The following IFI16 variants were observed in gnomAD, a reference collection of about 807,000 sequenced individuals.
IFI16 encodes gamma-interferon-inducible protein 16.
Under a neutral mutation model 68.4 loss-of-function variants are expected in IFI16, and 49 were observed. That is an observed-to-expected ratio of 0.72 (90% CI 0.57 to 0.91). The LOEUF (loss-of-function observed/expected upper bound fraction) is 0.91. Among genes scored for constraint, IFI16 ranks in the 40% least tolerant of loss-of-function variants. The pLI is 0.00. For synonymous variants in IFI16, 307 were observed against 315.0 expected, an observed-to-expected ratio of 0.97 and a Z score of 0.27; for missense variants, 878 against 942.9, an observed-to-expected ratio of 0.93 and a Z score of 0.90.
intron 1 of IFI16, among the ~76,000 whole-genome samples, chr1:159,014,235 G>A (rs936886051): frequency 1.3e-5 from 2 of 152,172 alleles, no homozygotes; most frequent in African/African-American, 4.8e-5. Context: ...CATATAAGGT[G>A]GGAGGCTGCA....
intron 7 of IFI16, among the ~76,000 whole-genome samples, chr1:159,037,155 G>A (rs1000629897): frequency 2.0e-5 from 3 of 152,142 alleles, no homozygotes; most frequent in African/African-American, 7.2e-5. Context: ...ATAATGACTT[G>A]AAAGAAAGTT....
chr1:159,030,777 G>A (rs1653950586), intron 6 of IFI16, among the ~76,000 whole-genome samples: 1 of 152,020 alleles, frequency 6.6e-6, no homozygotes, highest in Non-Finnish European at 1.5e-5. Context: ...CAGCCAGGAG[G>A]TGGAGCTTTT....
chr1:159,015,815 G>C, intron 2 of IFI16, 57 bp from the exon 3 acceptor site: 1 of 1,296,444 alleles, frequency 7.7e-7, no homozygotes, highest in Non-Finnish European at 1.1e-6. Context: ...GTCGGAGATC[G>C]TTTATATGTC....
Position 159,053,603 on chromosome 1 carries a change from A to G in IFI16, c.2156A>G (p.His719Arg), listed in dbSNP as rs1170017475. The G allele has an allele frequency of 1.9e-6, 3 of 1,613,674 alleles. No homozygotes were observed. The highest frequency in any genetic ancestry group is 2.5e-6 in the Non-Finnish European group (3 of 1,179,562). Reference sequence around the variant, plus strand: ...ACAGGGAAGATGGAAGTGGTGGTGCATGGACGACTGACCACAATCAACTGT... The same window carrying G: ...ACAGGGAAGATGGAAGTGGTGGTGCGTGGACGACTGACCACAATCAACTGT... ...DNTGKMEVVV[H>R]GRLTTINCEE... Residue 719 changes from histidine to arginine, a missense_variant, in exon 11 of 12, where the codon CAT becomes CGT. Around this residue, in one of 4 missense-constraint regions of IFI16, gnomAD observed 311 missense variants for 305.1 expected, o/e 1.02. Transcript: ENST00000295809.
At chr1:159,019,327 AG>A (rs1557866072) in intron 5 of IFI16, among the ~76,000 whole-genome samples, 1 of 152,132 alleles carries the variant, frequency 6.6e-6, no homozygotes. Flanking sequence ...ATAACCAGTT[AG>A]CATGAGACAT....
intron 7 of IFI16, among the ~76,000 whole-genome samples, chr1:159,039,940 A>G (rs1386937111): frequency 6.6e-6 from 1 of 152,220 alleles, no homozygotes; most frequent in Non-Finnish European, 1.5e-5. Context: ...AATAGGAACC[A>G]TTGCTGAAGA....
At position 159,055,132 on chromosome 1, in the gene IFI16, A is replaced by G. The variant is rs905554905; in HGVS notation, c.*231A>G. 1.5e-5 allele frequency: 5 copies of G among 337,878 alleles called. No individual in the cohort carries two copies. Among genetic ancestry groups the G allele is most frequent in the South Asian group, 8.5e-5 (1 of 11,820 alleles). 20.9% of individuals were successfully genotyped at this position (337,878 alleles called of 1,614,324 possible). On this transcript the variant is annotated 3_prime_UTR_variant, in exon 12 of 12. Coordinates refer to ENST00000295809, the MANE Select transcript of IFI16 (RefSeq NM_001376587.1). ...TTCTATAATTTGAAAAAATAAATAA[A>G]CATTATCTTTTTTGTGAAAGGAATG... is the stretch of plus-strand genomic sequence containing the variant.
chr1:159,038,538 A>T (rs1459300811), intron 7 of IFI16, among the ~76,000 whole-genome samples: 2 of 151,936 alleles, frequency 1.3e-5, no homozygotes, highest in Admixed American at 1.3e-4. Context: ...CTAATTTTTT[A>T]AAATGTTTTG....
rs748238938 is a variant in IFI16 at position 159,052,111 on chromosome 1, C to T, written c.2085+13C>T. The T allele has an allele frequency of 6.4e-7, 1 of 1,574,080 alleles. No individual in the cohort carries two copies. The highest frequency in any genetic ancestry group is 1.4e-5 in the African/African-American group (1 of 73,330). On this transcript the variant is annotated intron_variant, in intron 10 of 11. Coordinates refer to ENST00000295809, the MANE Select transcript of IFI16 (RefSeq NM_001376587.1). The stretch of plus-strand genomic sequence containing the variant: ...TGAGGTACATAAGGTAAGCCCACAC[C>T]ATTGTTTTATAAAATTTCTCCTGCA...
At chr1:159,048,823 C>G (rs1284683624) in intron 8 of IFI16, among the ~76,000 whole-genome samples, 2 of 151,442 alleles carry the variant, frequency 1.3e-5, no homozygotes, top group Non-Finnish European at 3.0e-5. Flanking sequence ...AAAAATATAG[C>G]TAATGGGAAT....
At position 159,054,925 on chromosome 1, in the gene IFI16, T is replaced by A. The variant is rs1655591577; in HGVS notation, c.*24T>A. On this transcript the variant is annotated 3_prime_UTR_variant, in exon 12 of 12. Coordinates refer to ENST00000295809, the MANE Select transcript of IFI16 (RefSeq NM_001376587.1). ...AAAATCTGGATGTCATTGACGATAA[T>A]GTTTATGGAGATAAGGTCTAAGTGC... 2 of 1,396,652 alleles carry A rather than the reference T, an allele frequency of 1.4e-6. No individual in the cohort carries two copies. The highest frequency in any genetic ancestry group is 2.8e-5 in the African/African-American group (2 of 70,488). The allele number at this position is 1,396,652 out of a possible 1,614,324, so 86.5% of individuals were successfully genotyped here. A position where few individuals can be genotyped will look rare whatever the true frequency, so the allele number is the denominator to read the frequency against.
intron 7 of IFI16, among the ~76,000 whole-genome samples, chr1:159,044,182 T>C (rs556677096): frequency 1.5e-3 from 227 of 152,232 alleles, no homozygotes; most frequent in African/African-American, 4.4e-3. Flanking sequence ...GCTAGTCCCA[T>C]CTCACATGTG....
intron 9 of IFI16, among the ~76,000 whole-genome samples, chr1:159,050,322 A>G (rs1332247413): frequency 6.6e-6 from 1 of 152,248 alleles, no homozygotes; most frequent in Non-Finnish European, 1.5e-5. Flanking sequence ...CGAACATAAT[A>G]AGATCACATG....
chr1:159,011,904 A>T (rs1557861441), intron 1 of IFI16, among the ~76,000 whole-genome samples: 1 of 152,196 alleles, frequency 6.6e-6, no homozygotes, highest in Non-Finnish European at 1.5e-5. Context: ...ACTTCAATTT[A>T]TGACACTTCT....
intron 7 of IFI16, among the ~76,000 whole-genome samples, chr1:159,039,661 G>A (rs550445590): frequency 1.3e-5 from 2 of 152,144 alleles, no homozygotes; most frequent in Admixed American, 6.5e-5. Context: ...ATCTCATTCC[G>A]AAAACCACAA....
At chr1:159,043,339 T>A (rs944810167) in intron 7 of IFI16, among the ~76,000 whole-genome samples, 7 of 152,268 alleles carry the variant, frequency 4.6e-5, no homozygotes, top group Admixed American at 2.6e-4. Context: ...CCATGCATAC[T>A]GGCTTGGAAG....
rs771119336 is a variant in IFI16, at chr1:159,016,660, A to G, written c.509A>G (p.Lys170Arg). 1 of 1,614,010 alleles carries G rather than the reference A, an allele frequency of 6.2e-7. No homozygotes were observed. The highest frequency in any genetic ancestry group is 1.3e-5 in the African/African-American group (1 of 74,906). The change falls in exon 4 of 12, where the codon AAG becomes AGG. Residue 170 changes from lysine to arginine, a missense_variant. This residue lies in a region of IFI16 where 443 missense variants were observed against 421.8 expected (regional missense o/e 1.05). Coordinates refer to ENST00000295809, the MANE Select transcript of IFI16 (RefSeq NM_001376587.1). Reference protein sequence around the residue: ...STAMGRSPSPKTSLSAPPNSS... With the variant: ...STAMGRSPSPRTSLSAPPNSS... ...GCCATGGGCCGTTCCCCATCTCCCAAGACCTCATTGTCAGCTCCACCCAAC... is the reference window on the plus strand; with the variant it reads ...GCCATGGGCCGTTCCCCATCTCCCAGGACCTCATTGTCAGCTCCACCCAAC...
intron 6 of IFI16, among the ~76,000 whole-genome samples, chr1:159,023,917 A>AC (rs1653491251): frequency 6.6e-6 from 1 of 152,060 alleles, no homozygotes; most frequent in Admixed American, 6.5e-5. Flanking sequence ...TCGGGGGCGG[A>AC]CCCCCGGGGT....
chr1:159,018,386 A>C lies in IFI16; in HGVS notation c.707A>C (p.Gln236Pro). The change falls in exon 5 of 12, where the codon CAG (glutamine) becomes CCG (proline). Residue 236 changes from glutamine (Q) to proline (P), a missense_variant. Transcript: ENST00000295809. ...KIMFHATVAT[Q>P]TQFFHVKVLN... ...ATGTTTCATGCTACAGTGGCTACACAGACACAGTTCTTCCATGTGAAGGTT... is the reference window on the plus strand; with the variant it reads ...ATGTTTCATGCTACAGTGGCTACACCGACACAGTTCTTCCATGTGAAGGTT... The C allele has an allele frequency of 6.2e-7, 1 of 1,614,234 alleles. No individual in the cohort carries two copies. Among genetic ancestry groups the C allele is most frequent in the Middle Eastern group, 1.6e-4 (1 of 6,062 alleles).
Sources: gnomAD v4.1 joint callset for allele counts (sites outside exome capture counted in the v4.1 genomes callset) on GRCh38, gnomAD v4.1.1 for gene constraint, gnomAD v4.1.1 regional missense constraint, MANE v1.5 for transcripts, NCBI Gene and HGNC (gene_info 2026-07-23, HGNC 2026-07-21) for gene names.